RSU1: variants seen among roughly 807,000 people sequenced by gnomAD.
RSU1 encodes the protein rsu-1.
Under a neutral mutation model 31.1 loss-of-function variants are expected in RSU1, and 26 were observed. The ratio of observed to expected loss-of-function variants is 0.84; its 90% CI spans 0.61 to 1.16. The LOEUF is 1.16. Ranked by LOEUF, RSU1 falls within the 50% of genes most tolerant of loss-of-function variation. The probability of loss-of-function intolerance (pLI) is 0.00; values close to 1 mark genes in which losing one functional copy is unlikely to be tolerated. For missense variants in RSU1, 320 were observed against 339.1 expected, an observed-to-expected ratio of 0.94 and a Z score of 0.44; for synonymous variants, 164 against 136.3, an observed-to-expected ratio of 1.20 and a Z score of -1.41.
chr10:16,678,643 G>A (rs1202359169), intron 8 of RSU1, among the ~76,000 whole-genome samples: 4 of 152,070 alleles, frequency 2.6e-5, no homozygotes, highest in Non-Finnish European at 5.9e-5. Flanking sequence ...TTCCTACTGG[G>A]GAGTATTTTC....
intron 8 of RSU1, among the ~76,000 whole-genome samples, chr10:16,667,175 T>C (rs1201301447): frequency 6.6e-6 from 1 of 152,224 alleles, no homozygotes; most frequent in Non-Finnish European, 1.5e-5. Context: ...TAGCTGTCTG[T>C]TAGTTAATCT....
chr10:16,732,481 A>T (rs1247231780), intron 7 of RSU1, among the ~76,000 whole-genome samples: 1 of 152,242 alleles, frequency 6.6e-6, no homozygotes, highest in Non-Finnish European at 1.5e-5. Flanking sequence ...TGATACAGAA[A>T]GGATGTGTCA....
intron 8 of RSU1, among the ~76,000 whole-genome samples, chr10:16,691,269 T>C (rs953905795): frequency 1.3e-5 from 2 of 152,104 alleles, no homozygotes; most frequent in Non-Finnish European, 2.9e-5. Flanking sequence ...GTTCTAATTG[T>C]ATGAGGATAT....
intron 7 of RSU1, among the ~76,000 whole-genome samples, chr10:16,697,603 G>A (rs1835704544): frequency 6.6e-6 from 1 of 151,816 alleles, no homozygotes. Context: ...GGCGGAGGTT[G>A]CAGTGAGCCG....
intron 3 of RSU1, among the ~76,000 whole-genome samples, chr10:16,772,791 T>C (rs1837449991): frequency 6.6e-6 from 1 of 152,116 alleles, no homozygotes; most frequent in Non-Finnish European, 1.5e-5. Flanking sequence ...TATCTACACA[T>C]AAGCCTCGAT....
chr10:16,637,236 C>T (rs1427529634), intron 8 of RSU1, among the ~76,000 whole-genome samples: 2 of 152,168 alleles, frequency 1.3e-5, no homozygotes, highest in South Asian at 4.1e-4. Context: ...TTATGATATC[C>T]ACAGTTATCT....
At chr10:16,708,514 T>G (rs1835951354) in intron 7 of RSU1, among the ~76,000 whole-genome samples, 1 of 152,144 alleles carries the variant, frequency 6.6e-6, no homozygotes, top group Non-Finnish European at 1.5e-5. Flanking sequence ...TTGGTTGGTG[T>G]GATACCTGCA....
At chr10:16,801,580 A>G (rs1838156333) in intron 2 of RSU1, among the ~76,000 whole-genome samples, 1 of 152,160 alleles carries the variant, frequency 6.6e-6, no homozygotes, top group Non-Finnish European at 1.5e-5. Context: ...CATCTAACAG[A>G]AAAATGCACA....
intron 8 of RSU1, among the ~76,000 whole-genome samples, chr10:16,629,205 T>G (rs992989077): frequency 3.9e-5 from 6 of 152,062 alleles, no homozygotes; most frequent in Non-Finnish European, 8.8e-5. Context: ...GGGTCTGGGG[T>G]GGGGCCTCAG....
intron 8 of RSU1, among the ~76,000 whole-genome samples, chr10:16,691,019 A>C (rs1835538680): frequency 6.6e-6 from 1 of 152,166 alleles, no homozygotes; most frequent in South Asian, 2.1e-4. Context: ...AAGAAGTGAA[A>C]ATTAGGAACT....
At chr10:16,600,453 G>T (rs1009803365) in intron 8 of RSU1, among the ~76,000 whole-genome samples, 2 of 151,802 alleles carry the variant, frequency 1.3e-5, no homozygotes, top group Non-Finnish European at 2.9e-5. Flanking sequence ...AGCTAAGATT[G>T]CACAGCAAAA....
At chr10:16,723,614 T>C (rs751220023) in intron 7 of RSU1, among the ~76,000 whole-genome samples, 6 of 152,204 alleles carry the variant, frequency 3.9e-5, no homozygotes, top group Non-Finnish European at 5.9e-5. Flanking sequence ...AGTCGCATAC[T>C]ATAGTTTACC....
chr10:16,808,147 G>C (rs1401531635), intron 2 of RSU1, among the ~76,000 whole-genome samples: 4 of 151,816 alleles, frequency 2.6e-5, no homozygotes, highest in African/African-American at 9.7e-5. Context: ...ATACAACACA[G>C]CACAGTATCA....
Position 16,754,536 on chromosome 10 carries a change from T to C in RSU1, c.400+335A>G, listed in dbSNP as rs139854950. Among the ~76,000 whole-genome samples the C allele has an allele frequency of 3.4e-3, 496 of 147,018 alleles. 6 individuals are homozygous for C. The highest frequency in any genetic ancestry group is 0.012 in the African/African-American group (455 of 38,036). On this transcript the variant is annotated intron_variant, in intron 5 of 8. Coordinates refer to ENST00000345264, the MANE Select transcript of RSU1 (RefSeq NM_012425.4). ...ATCCTACAAAGAATTAATAGCAACA[T>C]AGGAAGATACTTTTTTTTTTTTTTT...
At chr10:16,692,889 C>T (rs916990822) in intron 8 of RSU1, among the ~76,000 whole-genome samples, 9 of 152,150 alleles carry the variant, frequency 5.9e-5, no homozygotes, top group Middle Eastern at 3.2e-3. Context: ...CTAAACCACG[C>T]TTTACATTGC....
chr10:16,783,364 C>CTTTTTTTTTTTTTTTTTTTTTTT (rs57270890), intron 2 of RSU1, among the ~76,000 whole-genome samples: 2 of 132,072 alleles, frequency 1.5e-5, no homozygotes, highest in Non-Finnish European at 1.6e-5. Context: ...ACAACTTTTG[C>CTTTTTTTTTTTTTTTTTTTTTTT]TTTTTTTTTT....
intron 2 of RSU1, among the ~76,000 whole-genome samples, chr10:16,785,447 T>TAC (rs1837762438): frequency 7.1e-6 from 1 of 140,256 alleles, no homozygotes; most frequent in Non-Finnish European, 1.5e-5. Flanking sequence ...TATACACATA[T>TAC]ATACATATAT....
At chr10:16,658,874 A>T (rs1834836290) in intron 8 of RSU1, among the ~76,000 whole-genome samples, 1 of 152,170 alleles carries the variant, frequency 6.6e-6, no homozygotes, top group Non-Finnish European at 1.5e-5. Context: ...TTAGATTGAG[A>T]CCATCAGAGT....
At chr10:16,756,094 C>A (rs1283015451) in intron 4 of RSU1, among the ~76,000 whole-genome samples, 1 of 152,040 alleles carries the variant, frequency 6.6e-6, no homozygotes, top group Non-Finnish European at 1.5e-5. Context: ...CCATTTATTC[C>A]TTTTTTGGAG....
Sources: gnomAD v4.1 joint callset for allele counts (sites outside exome capture counted in the v4.1 genomes callset) on GRCh38, gnomAD v4.1.1 for gene constraint, MANE v1.5 for transcripts, NCBI Gene and HGNC (gene_info 2026-07-23, HGNC 2026-07-21) for gene names.